Variants in NRXN2 observed in about 807,000 individuals in gnomAD.
NRXN2 encodes the protein neurexin-2-beta.
NRXN2 carries 29 observed loss-of-function variants against 128.8 expected under a neutral mutation model. The ratio of observed to expected loss-of-function variants is 0.23; its 90% CI spans 0.17 to 0.31. The LOEUF (loss-of-function observed/expected upper bound fraction) is 0.31. Among genes scored for constraint, NRXN2 ranks in the 10% least tolerant of loss-of-function variants. The pLI is 1.00. For missense variants in NRXN2, 1,881 were observed against 2,452.6 expected (o/e 0.77, Z 4.92); for synonymous variants, 1,098 against 1,075.2 (o/e 1.02, Z -0.41).
At chr11:64,615,574 G>T (rs1438874961) in intron 22 of NRXN2, among the ~76,000 whole-genome samples, 1 of 152,184 alleles carries the variant, frequency 6.6e-6, no homozygotes, top group East Asian at 1.9e-4. Flanking sequence ...TGCTTCTGTG[G>T]GTCTGAGCAT....
At chr11:64,719,271 G>A (rs1274610404) in intron 1 of NRXN2, among the ~76,000 whole-genome samples, 1 of 152,184 alleles carries the variant, frequency 6.6e-6, no homozygotes, top group East Asian at 1.9e-4. Context: ...TGAGGAAATA[G>A]ATACTCAAAG....
At chr11:64,625,799 A>G (rs1054058611) in intron 20 of NRXN2, among the ~76,000 whole-genome samples, 1 of 152,072 alleles carries the variant, frequency 6.6e-6, no homozygotes, top group African/African-American at 2.4e-5. Flanking sequence ...GCCAAGCAGG[A>G]GCAGAAATCC....
rs938374316 is a variant in NRXN2 at position 64,635,163 on chromosome 11, G to C, written c.3585+108C>G. ...CAATGAGGGAACAGAGGTTCTGAGG[G>C]TTCCCCATGAGGGAAGACTTGAGGT... On this transcript the variant is annotated intron_variant, in intron 18 of 22. Transcript: ENST00000265459. This position sits in a 1 kb window ranked among gnomAD's most constrained non-coding sequence, Gnocchi z 4.8. The C allele has an allele frequency of 7.8e-7, 1 of 1,278,218 alleles. No individual in the cohort carries two copies. Among genetic ancestry groups the C allele is most frequent in the Non-Finnish European group, 1.1e-6 (1 of 883,938 alleles). The allele number at this position is 1,278,218 out of a possible 1,614,324, so 79.2% of individuals were successfully genotyped here. A position where few individuals can be genotyped will look rare whatever the true frequency, so the allele number is the denominator to read the frequency against.
chr11:64,638,860 C>G (rs2045239936), intron 17 of NRXN2, among the ~76,000 whole-genome samples: 1 of 152,210 alleles, frequency 6.6e-6, no homozygotes, highest in African/African-American at 2.4e-5. Context: ...CTCAATACCT[C>G]CTAGACCCAG....
intron 5 of NRXN2, among the ~76,000 whole-genome samples, chr11:64,688,064 A>G (rs1457822837): frequency 6.6e-6 from 1 of 152,214 alleles, no homozygotes; most frequent in Non-Finnish European, 1.5e-5. Context: ...AGAGAGTCAA[A>G]CAGAAAGAAA....
At chr11:64,619,216 G>A (rs1389017572) in intron 22 of NRXN2, among the ~76,000 whole-genome samples, 2 of 152,018 alleles carry the variant, frequency 1.3e-5, no homozygotes, top group Non-Finnish European at 2.9e-5. Flanking sequence ...AGGTAATGGG[G>A]AGAAGTCTCC....
At chr11:64,612,953 A>G (rs940455175) in intron 22 of NRXN2, among the ~76,000 whole-genome samples, 1 of 152,236 alleles carries the variant, frequency 6.6e-6, no homozygotes, top group Non-Finnish European at 1.5e-5. Context: ...GGTGCTCAGG[A>G]CACATGGCTG....
At chr11:64,640,045 C>T (rs571688878) in intron 17 of NRXN2, among the ~76,000 whole-genome samples, 45 of 152,138 alleles carry the variant, frequency 3.0e-4, no homozygotes, top group African/African-American at 1.0e-3. Flanking sequence ...CTCTCAGCTG[C>T]CCCACCCTTC....
At chr11:64,681,618 T>C (rs2052303355) in intron 6 of NRXN2, among the ~76,000 whole-genome samples, 2 of 152,174 alleles carry the variant, frequency 1.3e-5, no homozygotes, top group African/African-American at 2.4e-5. Context: ...TCATTCTCAC[T>C]TTACTGATGA....
rs775693324 is a variant in NRXN2 at position 64,697,765 on chromosome 11, C to T, written c.748+10G>A. ...ATCCACTACCCCAGTGACAGAGAGG[C>T]TTCACTCACCTTCCATGGGGTGCTC... On this transcript the variant is annotated intron_variant, in intron 3 of 22. Transcript: ENST00000265459. 25 of 1,613,692 alleles carry T rather than the reference C, an allele frequency of 1.5e-5. No individual in the cohort carries two copies. In the East Asian group the frequency reaches 5.1e-4, roughly 33 times the overall value.
Position 64,622,791 on chromosome 11 carries a change from G to A in NRXN2, c.4135C>T (p.Arg1379Trp), listed in dbSNP as rs1162251708. ...TCCCTCAGTGTGGGGGAGCGGCCCC[G>A]GCGCGTGGTGGTAGTGGCCATGGTG... Reference protein sequence around the residue: ...TTTMATTTTRRGRSPTLRDST... With the variant: ...TTTMATTTTRWGRSPTLRDST... The change falls in exon 21 of 23, where the codon CGG (arginine) becomes TGG (tryptophan). Residue 1379 changes from arginine (R) to tryptophan (W), a missense_variant. Physicochemically the swap from Arg to Trp is moderately radical, Grantham distance 101. Coordinates refer to ENST00000265459, the MANE Select transcript of NRXN2 (RefSeq NM_015080.4). This position sits in a 1 kb window ranked among gnomAD's most constrained non-coding sequence, Gnocchi z 4.3. The A allele has an allele frequency of 1.1e-5, 18 of 1,611,968 alleles. No individual in the cohort carries two copies. The highest frequency in any genetic ancestry group is 1.4e-5 in the Non-Finnish European group (17 of 1,179,938).
intron 2 of NRXN2, among the ~76,000 whole-genome samples, chr11:64,708,098 CAAA>C (rs1333066704): frequency 7.8e-6 from 1 of 128,194 alleles, no homozygotes; most frequent in Non-Finnish European, 1.7e-5. Flanking sequence ...AACTCCGTCT[CAAA>C]AAAAAAAAAA....
chr11:64,716,028 T>A (rs890799821), intron 1 of NRXN2, among the ~76,000 whole-genome samples: 1 of 152,058 alleles, frequency 6.6e-6, no homozygotes, highest in Non-Finnish European at 1.5e-5. Context: ...CCAGAAGCGG[T>A]AGCCAAAGAC....
rs528256617 is a variant in NRXN2 at position 64,660,177 on chromosome 11, T to C, written c.2389+155A>G. Among the ~76,000 whole-genome samples the C allele has an allele frequency of 6.4e-4, 97 of 152,272 alleles. No homozygotes were observed. Among genetic ancestry groups the C allele is most frequent in the African/African-American group, 2.2e-3 (92 of 41,552 alleles). ...TGCGTCCTCACCAGGGACAGAGCTC[T>C]CAGGGTCTCTGACCCAGGCTGGCGC... On this transcript the variant is annotated intron_variant, in intron 11 of 22. Transcript: ENST00000265459. The surrounding 1 kb of genome is among the most constrained non-coding windows in gnomAD (Gnocchi z 5.2).
rs141268651 is a variant in NRXN2, at chr11:64,660,900, C to T, written c.2038G>A (p.Val680Met). The change falls in exon 10 of 23, where the codon GTG becomes ATG. Residue 680 changes from valine (V) to methionine (M), a missense_variant. This residue lies in a region of NRXN2 where 997 missense variants were observed against 1,240.8 expected (regional missense o/e 0.80). Transcript: ENST00000265459. This position sits in a 1 kb window ranked among gnomAD's most constrained non-coding sequence, Gnocchi z 5.2. ...CGGGAGCAAAAGGGGGCAACGCCCA[C>T]AGCCCCCTGAGCCTCAGCCAGGCCC... ...LRGLAEAQGA[V>M]GVAPFCSRET... 6.2e-7 allele frequency: 1 copy of T among 1,613,614 alleles called. No individual in the cohort carries two copies. Among genetic ancestry groups the T allele is most frequent in the Non-Finnish European group, 8.5e-7 (1 of 1,179,720 alleles).
chr11:64,647,207 TTGTGTGTGTG>T (rs10535079), intron 17 of NRXN2, among the ~76,000 whole-genome samples: 2 of 146,552 alleles, frequency 1.4e-5, no homozygotes, highest in Non-Finnish European at 3.0e-5. Context: ...AGACGCTTCG[TTGTGTGTGTG>T]TGTGTGTGTG....
At chr11:64,665,498 T>C (rs2049717433) in intron 9 of NRXN2, among the ~76,000 whole-genome samples, 2 of 152,104 alleles carry the variant, frequency 1.3e-5, no homozygotes, top group Non-Finnish European at 1.5e-5. Context: ...GACCACCTGG[T>C]AGAAACCCTG....
intron 22 of NRXN2, among the ~76,000 whole-genome samples, chr11:64,619,190 G>A (rs1391159890): frequency 6.6e-6 from 1 of 151,926 alleles, no homozygotes; most frequent in African/African-American, 2.4e-5. Flanking sequence ...CAACAACCCA[G>A]GTGCCACCCA....
Position 64,630,340 on chromosome 11 carries a change from T to G in NRXN2, c.3757+62A>C. ...TAGCCCCGCCCCGGTGCGGCCGCAC[T>G]CCTATCAGAGGCCGCCACCCGCCCC... On this transcript the variant is annotated intron_variant, in intron 19 of 22. Coordinates refer to ENST00000265459, the MANE Select transcript of NRXN2 (RefSeq NM_015080.4). This position sits in a 1 kb window ranked among gnomAD's most constrained non-coding sequence, Gnocchi z 4.6. 8.4e-7 allele frequency: 1 copy of G among 1,189,308 alleles called. No homozygotes were observed. Among genetic ancestry groups the G allele is most frequent in the Non-Finnish European group, 1.1e-6 (1 of 869,842 alleles). 73.7% of individuals were successfully genotyped at this position (1,189,308 alleles called of 1,614,324 possible).
Sources: allele counts gnomAD v4.1 joint callset (sites outside exome capture counted in the v4.1 genomes callset), GRCh38; gene constraint gnomAD v4.1.1; regional missense constraint gnomAD v4.1.1; non-coding constraint Gnocchi (gnomAD v3.1); transcripts MANE v1.5; gene names NCBI Gene and HGNC (gene_info 2026-07-23, HGNC 2026-07-21).